NCAM1: variants seen among roughly 807,000 people sequenced by gnomAD.
NCAM1 encodes the protein neural cell adhesion molecule 1.
In NCAM1, 14 loss-of-function variants were observed where a neutral mutation model predicts 109.8. That is an observed-to-expected ratio of 0.13 (90% CI 0.08 to 0.20). The LOEUF is 0.20. NCAM1 is among the 10% of genes least tolerant of loss of function. The probability of loss-of-function intolerance (pLI) is 1.00; values close to 1 mark genes in which losing one functional copy is unlikely to be tolerated. For missense variants in NCAM1, 774 were observed against 1,109.9 expected (o/e 0.70, Z 4.30); for synonymous variants, 418 against 442.9 (o/e 0.94, Z 0.70).
At chr11:112,968,388 A>T (rs1950782779) in intron 1 of NCAM1, among the ~76,000 whole-genome samples, 1 of 152,248 alleles carries the variant, frequency 6.6e-6, no homozygotes. Flanking sequence ...AGCTAAAGGC[A>T]TATGATATTG....
At chr11:113,236,989 T>C (rs1945186370) in intron 14 of NCAM1, among the ~76,000 whole-genome samples, 1 of 152,218 alleles carries the variant, frequency 6.6e-6, no homozygotes. Flanking sequence ...TTCTTTAGCA[T>C]GTAGTTACTT....
chr11:113,143,725 G>C (rs909135871), intron 1 of NCAM1, among the ~76,000 whole-genome samples: 2 of 152,182 alleles, frequency 1.3e-5, no homozygotes, highest in African/African-American at 2.4e-5. Flanking sequence ...TCGAATGCTT[G>C]GTAGAAGCTC....
intron 1 of NCAM1, among the ~76,000 whole-genome samples, chr11:113,124,802 G>A (rs1941112679): frequency 6.6e-6 from 1 of 152,208 alleles, no homozygotes; most frequent in African/African-American, 2.4e-5. Flanking sequence ...TTTACTGACA[G>A]CTGGATTACT....
At chr11:113,027,735 C>A (rs148855864) in intron 1 of NCAM1, among the ~76,000 whole-genome samples, 5 of 152,182 alleles carry the variant, frequency 3.3e-5, no homozygotes, top group African/African-American at 9.7e-5. Context: ...TAACGAAAGA[C>A]CTGATTCATA....
intron 1 of NCAM1, among the ~76,000 whole-genome samples, chr11:113,199,829 T>TG (rs60389510): frequency 3.1e-4 from 36 of 115,778 alleles, no homozygotes; most frequent in East Asian, 1.0e-3. Context: ...GAAACACCCT[T>TG]AAAAAAAAAA....
At chr11:113,031,012 T>G (rs1565393717) in intron 1 of NCAM1, among the ~76,000 whole-genome samples, 4 of 152,230 alleles carry the variant, frequency 2.6e-5, no homozygotes, top group Non-Finnish European at 5.9e-5. Context: ...AATTACATTC[T>G]ACACAGTCAC....
In NCAM1 at chr11:113,144,063, C is replaced by T. The variant is rs528092085; in HGVS notation, c.53-58316C>T. On this transcript the variant is annotated intron_variant, in intron 1 of 19. Coordinates refer to ENST00000316851, the MANE Select transcript of NCAM1 (RefSeq NM_181351.5). ...ATAGCAAAACTGGTCCCAGTGTGTG[C>T]GTGTTACTGTGTAGCTGCCACTGGA... Among the ~76,000 whole-genome samples the T allele has an allele frequency of 2.6e-5, 4 of 152,246 alleles. No homozygotes were observed. In the South Asian group the frequency reaches 6.2e-4, roughly 24 times the overall value.
chr11:113,106,807 C>T (rs1387212474), intron 1 of NCAM1, among the ~76,000 whole-genome samples: 2 of 152,154 alleles, frequency 1.3e-5, no homozygotes, highest in South Asian at 2.1e-4. Flanking sequence ...TAGGTTGGAA[C>T]TGATAATACC....
intron 16 of NCAM1, among the ~76,000 whole-genome samples, chr11:113,256,567 G>A: frequency 6.6e-6 from 1 of 152,168 alleles, no homozygotes; most frequent in East Asian, 1.9e-4. Context: ...CACTGCCCAA[G>A]GCTGCCTAAG....
intron 1 of NCAM1, among the ~76,000 whole-genome samples, chr11:113,102,980 G>A (rs1555091790): frequency 8.4e-6 from 1 of 119,558 alleles, no homozygotes; most frequent in Non-Finnish European, 1.7e-5. Context: ...ATGAAATTTG[G>A]TTACAGACAT....
intron 1 of NCAM1, among the ~76,000 whole-genome samples, chr11:113,136,169 T>C (rs1415284220): frequency 2.0e-5 from 3 of 152,160 alleles, no homozygotes; most frequent in Non-Finnish European, 4.4e-5. Flanking sequence ...TAAAAAGTAA[T>C]ACATAGCATG....
At position 113,233,726 on chromosome 11, in the gene NCAM1, C is replaced by T. The variant is rs1555117758; in HGVS notation, c.1693+409C>T. On this transcript the variant is annotated intron_variant, in intron 13 of 19. Transcript: ENST00000316851. The surrounding 1 kb of genome is among the most constrained non-coding windows in gnomAD (Gnocchi z 4.5). Reference sequence around the variant, plus strand: ...CTGCTTGGATATCTGTACTCAGGGACTGGCTGTCTTGTAATTGTGATAGTA... The same window carrying T: ...CTGCTTGGATATCTGTACTCAGGGATTGGCTGTCTTGTAATTGTGATAGTA... Among the ~76,000 whole-genome samples the T allele has an allele frequency of 1.3e-5, 2 of 152,228 alleles. No individual in the cohort carries two copies. Among genetic ancestry groups the T allele is most frequent in the African/African-American group, 2.4e-5 (1 of 41,464 alleles).
Position 113,263,656 on chromosome 11 carries a change from G to T in NCAM1, c.2131+3333G>T, listed in dbSNP as rs1469248498. On this transcript the variant is annotated intron_variant, in intron 17 of 19. Coordinates refer to ENST00000316851, the MANE Select transcript of NCAM1 (RefSeq NM_181351.5). ...TGCCAACAAGTGTCAGCTTTGAAAG[G>T]TGTTTGTCTCCCAATCGGGGTGACT... The T allele has an allele frequency of 8.1e-6, 8 of 985,472 alleles. No individual in the cohort carries two copies. The African/African-American group carries it at 1.4e-4, about 17-fold the overall frequency. 61.0% of individuals were successfully genotyped at this position (985,472 alleles called of 1,614,324 possible).
At chr11:113,189,693 T>A (rs1255097334) in intron 1 of NCAM1, among the ~76,000 whole-genome samples, 1 of 152,096 alleles carries the variant, frequency 6.6e-6, no homozygotes, top group Non-Finnish European at 1.5e-5. Context: ...GTTTCTGTCT[T>A]TGATTTCACA....
At chr11:113,210,560 C>A (rs563021906) in intron 7 of NCAM1, among the ~76,000 whole-genome samples, 15 of 152,214 alleles carry the variant, frequency 9.9e-5, no homozygotes, top group Admixed American at 9.8e-4. Flanking sequence ...CAACTCAGCC[C>A]TGACTTGGCT....
chr11:113,271,464 A>G (rs781840113), intron 18 of NCAM1, among the ~76,000 whole-genome samples: 1 of 151,488 alleles, frequency 6.6e-6, no homozygotes, highest in African/African-American at 2.4e-5. Flanking sequence ...TTGAGCAATG[A>G]TCTGTGTCAG....
chr11:113,126,196 C>A (rs3018457), intron 1 of NCAM1, among the ~76,000 whole-genome samples: 6,231 of 151,424 alleles, frequency 0.041, 205 homozygotes, highest in African/African-American at 0.081. Context: ...CCTCCCCTAC[C>A]CTTAACAACA....
chr11:113,153,533 G>T (rs1453062024), intron 1 of NCAM1, among the ~76,000 whole-genome samples: 2 of 151,860 alleles, frequency 1.3e-5, no homozygotes, highest in Non-Finnish European at 1.5e-5. Flanking sequence ...CATGATTCTG[G>T]CTTGGCTGTG....
intron 1 of NCAM1, among the ~76,000 whole-genome samples, chr11:113,029,621 T>A (rs11214469): frequency 0.45 from 68,540 of 151,962 alleles, 16,336 homozygotes; most frequent in East Asian, 0.8. Flanking sequence ...TCTGGAAAAC[T>A]CAAGAAATAT....
Sources: allele counts gnomAD v4.1 joint callset (sites outside exome capture counted in the v4.1 genomes callset), GRCh38; gene constraint gnomAD v4.1.1; non-coding constraint Gnocchi (gnomAD v3.1); transcripts MANE v1.5; gene names NCBI Gene and HGNC (gene_info 2026-07-23, HGNC 2026-07-21).